Variants in SMCHD1 observed in about 807,000 individuals in gnomAD.
SMCHD1 encodes the protein structural maintenance of chromosomes flexible hinge domain containing 1.
A neutral mutation model predicts 254.7 loss-of-function variants in SMCHD1; 78 were observed. That is an observed-to-expected ratio of 0.31 (90% CI 0.26 to 0.37). SMCHD1 has a LOEUF of 0.37. Ranked by LOEUF, SMCHD1 falls within the 10% of genes least tolerant of loss-of-function variation. The pLI, the probability that SMCHD1 is intolerant of heterozygous loss-of-function variation, is 1.00. For missense variants in SMCHD1, 1,840 were observed against 2,408.1 expected (o/e 0.76, Z 4.94); for synonymous variants, 766 against 794.9 (o/e 0.96, Z 0.61).
intron 7 of SMCHD1, among the ~76,000 whole-genome samples, chr18:2,689,723 A>G (rs1177997680): frequency 6.6e-6 from 1 of 151,672 alleles, no homozygotes; most frequent in Non-Finnish European, 1.5e-5. Context: ...ATTTATTTTA[A>G]AGTGATTTTG....
At chr18:2,769,629 C>T (rs942413364) in intron 37 of SMCHD1, 65 bp from the exon 38 acceptor site, 1 of 1,500,686 alleles carries the variant, frequency 6.7e-7, no homozygotes, top group Non-Finnish European at 9.0e-7. Context: ...AGTTATGTAA[C>T]ATTTATATGT....
intron 37 of SMCHD1, among the ~76,000 whole-genome samples, chr18:2,768,154 G>T (rs2075903939): frequency 6.6e-6 from 1 of 150,838 alleles, no homozygotes; most frequent in Admixed American, 6.6e-5. Flanking sequence ...GGAACTACTT[G>T]CAAATCAATT....
chr18:2,748,259 A>G (rs1308190628), intron 30 of SMCHD1, among the ~76,000 whole-genome samples: 2 of 150,538 alleles, frequency 1.3e-5, no homozygotes, highest in Admixed American at 6.6e-5. Flanking sequence ...AGTATTGAGA[A>G]GCTGCATGGG....
chr18:2,677,473 C>A (rs552446538), intron 5 of SMCHD1, among the ~76,000 whole-genome samples: 2 of 152,152 alleles, frequency 1.3e-5, no homozygotes, highest in Admixed American at 6.5e-5. Context: ...TCATAAAATT[C>A]ACAGTATTAA....
At chr18:2,699,270 C>T (rs367739578) in intron 10 of SMCHD1, among the ~76,000 whole-genome samples, 1 of 144,388 alleles carries the variant, frequency 6.9e-6, no homozygotes. Flanking sequence ...GAATAGTGCT[C>T]AACACTATTT....
At chr18:2,719,177 C>T (rs1598361815) in intron 19 of SMCHD1, among the ~76,000 whole-genome samples, 1 of 151,640 alleles carries the variant, frequency 6.6e-6, no homozygotes, top group African/African-American at 2.4e-5. Flanking sequence ...TCTTGAATCA[C>T]TTTGATTTTC....
At chr18:2,690,646 CTT>C (rs71365194) in intron 7 of SMCHD1, among the ~76,000 whole-genome samples, 61 of 133,534 alleles carry the variant, frequency 4.6e-4, no homozygotes, top group Admixed American at 6.1e-4. Context: ...TAATTTTTTT[CTT>C]TTTTTTTTTT....
At chr18:2,686,660 C>T (rs553341438) in intron 5 of SMCHD1, among the ~76,000 whole-genome samples, 3 of 151,974 alleles carry the variant, frequency 2.0e-5, no homozygotes, top group South Asian at 4.2e-4. Context: ...TGTATAAATG[C>T]AAACTTGTGT....
intron 1 of SMCHD1, among the ~76,000 whole-genome samples, chr18:2,663,262 T>C (rs1465682165): frequency 6.8e-6 from 1 of 147,256 alleles, no homozygotes; most frequent in African/African-American, 2.7e-5. Context: ...TGCACCACCA[T>C]GCCCAGCTAT....
intron 7 of SMCHD1, among the ~76,000 whole-genome samples, chr18:2,693,608 G>A (rs986317091): frequency 2.7e-5 from 4 of 150,750 alleles, no homozygotes; most frequent in African/African-American, 9.9e-5. Flanking sequence ...ACGCGCATGC[G>A]TGCATACCAT....
Position 2,795,963 on chromosome 18 carries a change from T to C in SMCHD1, c.5734T>C (p.Tyr1912His). 6.3e-7 allele frequency: 1 copy of C among 1,590,450 alleles called. No individual in the cohort carries two copies. Residue 1912 changes from tyrosine to histidine, a missense_variant, in exon 46 of 48, where the codon TAT becomes CAT. Tyr to His is a moderately conservative substitution (Grantham distance 83). Around this residue, in one of 9 missense-constraint regions of SMCHD1, gnomAD observed 132 missense variants for 138.2 expected, o/e 0.95. Coordinates refer to ENST00000320876, the MANE Select transcript of SMCHD1 (RefSeq NM_015295.3). ...TTTCTTTACAGATCTTCTTCAGCAG[T>C]ATCGTTCTGCTGTGTGCAAACTAGA... is the stretch of plus-strand genomic sequence containing the variant. ...LGEQIDLLQQ[Y>H]RSAVCKLDSV... is the part of the protein sequence containing the mutation.
chr18:2,705,874 A>G, intron 14 of SMCHD1, 67 bp downstream of exon 14: 4 of 977,438 alleles, frequency 4.1e-6, no homozygotes, highest in East Asian at 2.5e-5. Flanking sequence ...TTGTTAAGAT[A>G]CAGTATATTT....
chr18:2,750,290 CAG>C, intron 31 of SMCHD1, 58 bp from the exon 32 acceptor site: 2 of 1,523,936 alleles, frequency 1.3e-6, no homozygotes, highest in South Asian at 2.5e-5. Context: ...TAAATTGTCT[CAG>C]AATTTTTAGG....
chr18:2,753,382 G>A (rs2075612300), intron 34 of SMCHD1, among the ~76,000 whole-genome samples: 4 of 152,120 alleles, frequency 2.6e-5, no homozygotes, highest in Admixed American at 2.6e-4. Context: ...ATGGCTATTT[G>A]CATTTTCAAT....
At position 2,688,704 on chromosome 18, in the gene SMCHD1, AAAAT is replaced by A; in HGVS notation, c.834_837del (p.Asn278LysfsTer33). The A allele has an allele frequency of 6.7e-7, 1 of 1,503,130 alleles. No individual in the cohort carries two copies. The highest frequency in any genetic ancestry group is 9.1e-7 in the Non-Finnish European group (1 of 1,101,562). 93.1% of individuals were successfully genotyped at this position (1,503,130 alleles called of 1,614,324 possible). Reference sequence around the variant, plus strand: ...AAAGAAGATTTTGAGAAGAAGGAGAAAAATAAAGAGGCAATATATAGTGGATATA... The same window carrying A: ...AAAGAAGATTTTGAGAAGAAGGAGAAAAAGAGGCAATATATAGTGGATATA... On this transcript the variant is annotated frameshift_variant, in exon 7 of 48. Coordinates refer to ENST00000320876, the MANE Select transcript of SMCHD1 (RefSeq NM_015295.3). LOFTEE classifies it high-confidence loss of function.
At chr18:2,697,783 G>C (rs760566060) in intron 9 of SMCHD1, 48 bp from the exon 10 acceptor site, 1 of 1,288,168 alleles carries the variant, frequency 7.8e-7, no homozygotes, top group South Asian at 1.2e-5. Flanking sequence ...GAGAACAAAA[G>C]TAAAGTTACC....
At chr18:2,771,893 C>T (rs749847775) in intron 40 of SMCHD1, among the ~76,000 whole-genome samples, 4 of 152,034 alleles carry the variant, frequency 2.6e-5, no homozygotes, top group Non-Finnish European at 5.9e-5. Context: ...AACCACTACA[C>T]GTGATGGTAA....
chr18:2,717,326 A>G (rs969363882), intron 17 of SMCHD1, among the ~76,000 whole-genome samples: 1 of 152,128 alleles, frequency 6.6e-6, no homozygotes, highest in Non-Finnish European at 1.5e-5. Context: ...TGCCCACTGT[A>G]GTGTTCAAAG....
intron 45 of SMCHD1, 68 bp downstream of exon 45, chr18:2,784,689 T>C (rs562214665): frequency 7.1e-7 from 1 of 1,417,500 alleles, no homozygotes; most frequent in South Asian, 1.4e-5. Flanking sequence ...TAAGAGCTTA[T>C]GTTTTGAGAA....
Sources: allele counts gnomAD v4.1 joint callset (sites outside exome capture counted in the v4.1 genomes callset), GRCh38; gene constraint gnomAD v4.1.1; regional missense constraint gnomAD v4.1.1; transcripts MANE v1.5; gene names NCBI Gene and HGNC (gene_info 2026-07-23, HGNC 2026-07-21).